NALF1: variants seen among roughly 807,000 people sequenced by gnomAD.
The protein encoded by NALF1 is family with sequence similarity 155 member A.
NALF1 carries 3 observed loss-of-function variants against 48.4 expected under a neutral mutation model. The ratio of observed to expected loss-of-function variants is 0.06; its 90% confidence interval spans 0.03 to 0.16. The LOEUF (loss-of-function observed/expected upper bound fraction) is 0.16. Ranked by LOEUF, NALF1 falls within the 10% of genes least tolerant of loss-of-function variation. NALF1 has a pLI of 1.00. For missense variants in NALF1, 526 were observed against 571.5 expected, an observed-to-expected ratio of 0.92 and a Z score of 0.81; for synonymous variants, 262 against 245.7, an observed-to-expected ratio of 1.07 and a Z score of -0.62.
chr13:107,229,056 C>T (rs539976767), intron 1 of NALF1, among the ~76,000 whole-genome samples: 4 of 152,202 alleles, frequency 2.6e-5, no homozygotes, highest in East Asian at 1.9e-4. Flanking sequence ...GAAGCTATGT[C>T]GTCTGAATGT....
intron 1 of NALF1, among the ~76,000 whole-genome samples, chr13:107,611,631 G>A (rs539517741): frequency 1.3e-5 from 2 of 152,114 alleles, no homozygotes; most frequent in Non-Finnish European, 2.9e-5. Context: ...TGTAATCTTA[G>A]CCACTTGGAG....
chr13:107,554,041 AGTC>A (rs1877378974), intron 1 of NALF1, among the ~76,000 whole-genome samples: 1 of 152,238 alleles, frequency 6.6e-6, no homozygotes, highest in Admixed American at 6.5e-5. Flanking sequence ...TGAGAGCCTT[AGTC>A]CCACATCTGC....
chr13:107,179,969 T>C (rs1181315247), intron 2 of NALF1, among the ~76,000 whole-genome samples: 1 of 145,700 alleles, frequency 6.9e-6, no homozygotes, highest in African/African-American at 2.6e-5. Flanking sequence ...TGGCCTCATT[T>C]TAACTTAATG....
rs77557873 is a variant in NALF1, at chr13:107,483,948, A to C, written c.916-273193T>G. Among the ~76,000 whole-genome samples, 1,059 of 152,188 alleles carry C rather than the reference A, an allele frequency of 7.0e-3. 39 individuals are homozygous for C. In the East Asian group the frequency reaches 0.11, roughly 16 times the overall value. The stretch of plus-strand genomic sequence containing the variant: ...TTTGTAAGATTCACATAAAAATTCT[A>C]AGGAATAGTTACTATTGGTATTATT... On this transcript the variant is annotated intron_variant, in intron 1 of 2. Coordinates refer to ENST00000375915, the MANE Select transcript of NALF1 (RefSeq NM_001080396.3).
intron 1 of NALF1, among the ~76,000 whole-genome samples, chr13:107,602,089 A>G (rs1395593709): frequency 6.6e-6 from 1 of 152,188 alleles, no homozygotes; most frequent in East Asian, 1.9e-4. Flanking sequence ...CAATACACCT[A>G]TGTTCTAACT....
intron 1 of NALF1, among the ~76,000 whole-genome samples, chr13:107,733,243 G>A (rs1001183073): frequency 6.6e-6 from 1 of 152,128 alleles, no homozygotes; most frequent in Non-Finnish European, 1.5e-5. Context: ...TAGCAACCTA[G>A]GCAGAAGTGA....
intron 1 of NALF1, among the ~76,000 whole-genome samples, chr13:107,747,710 G>C (rs1876821998): frequency 6.6e-6 from 1 of 152,058 alleles, no homozygotes; most frequent in African/African-American, 2.4e-5. Flanking sequence ...AGAAAATAAG[G>C]CTTCGATAAA....
chr13:107,498,691 T>A (rs1047071389), intron 1 of NALF1, among the ~76,000 whole-genome samples: 1 of 152,168 alleles, frequency 6.6e-6, no homozygotes, highest in Non-Finnish European at 1.5e-5. Flanking sequence ...AATGAAAGAA[T>A]ATACTTATGA....
At chr13:107,521,152 T>C (rs16970527) in intron 1 of NALF1, among the ~76,000 whole-genome samples, 4,703 of 152,268 alleles carry the variant, frequency 0.031, 180 homozygotes, top group East Asian at 0.1. Flanking sequence ...TAAACTGCGA[T>C]GTGATACTGG....
intron 2 of NALF1, among the ~76,000 whole-genome samples, chr13:107,176,881 T>A (rs919962681): frequency 6.6e-6 from 1 of 151,850 alleles, no homozygotes; most frequent in Admixed American, 6.5e-5. Context: ...TGATATAATT[T>A]TGTTTGTTTT....
Position 107,164,504 on chromosome 13 carries a change from T to G in NALF1, c.*5993A>C, listed in dbSNP as rs185275892. On this transcript the variant is annotated 3_prime_UTR_variant, in exon 3 of 3. Coordinates refer to ENST00000375915, the MANE Select transcript of NALF1 (RefSeq NM_001080396.3). Reference sequence around the variant, plus strand: ...GAGGCATCAAATATTTATATATATTTTTTGATCTATGAGTGCCTTAAACAA... The same window carrying G: ...GAGGCATCAAATATTTATATATATTGTTTGATCTATGAGTGCCTTAAACAA... 3.7e-3 allele frequency: 564 copies of G among 152,254 alleles called. 2 individuals are homozygous for G. The highest frequency in any genetic ancestry group is 0.013 in the African/African-American group (539 of 41,560). 9.4% of individuals were successfully genotyped at this position (152,254 alleles called of 1,614,324 possible). A position where few individuals can be genotyped will look rare whatever the true frequency, so the allele number is the denominator to read the frequency against.
chr13:107,770,557 A>T (rs1877550361), intron 1 of NALF1, among the ~76,000 whole-genome samples: 1 of 152,222 alleles, frequency 6.6e-6, no homozygotes, highest in South Asian at 2.1e-4. Context: ...TCTGAAACAG[A>T]CTTCAAGTAC....
Position 107,347,841 on chromosome 13 carries a change from G to T in NALF1, c.916-137086C>A, listed in dbSNP as rs182861274. On this transcript the variant is annotated intron_variant, in intron 1 of 2. Coordinates refer to ENST00000375915, the MANE Select transcript of NALF1 (RefSeq NM_001080396.3). ...GTGATGACGATAAGAGTTAATTATT[G>T]GTTGTGCATGAAATGTTCCAAGCTT... Among the ~76,000 whole-genome samples, 510 of 152,308 alleles carry T rather than the reference G, an allele frequency of 3.3e-3. 1 individual carries two copies. Among genetic ancestry groups the T allele is most frequent in the Middle Eastern group, 0.014 (4 of 294 alleles).
At chr13:107,640,471 A>T (rs1287406767) in intron 1 of NALF1, among the ~76,000 whole-genome samples, 2 of 152,170 alleles carry the variant, frequency 1.3e-5, no homozygotes, top group Non-Finnish European at 2.9e-5. Context: ...AATGGCATCC[A>T]AACTATTTTA....
At chr13:107,206,640 T>C (rs1879649649) in intron 2 of NALF1, among the ~76,000 whole-genome samples, 1 of 152,166 alleles carries the variant, frequency 6.6e-6, no homozygotes, top group Non-Finnish European at 1.5e-5. Context: ...ATAGGAATCC[T>C]AGGTATCAGT....
At chr13:107,284,043 TA>T (rs1881442105) in intron 1 of NALF1, among the ~76,000 whole-genome samples, 1 of 152,018 alleles carries the variant, frequency 6.6e-6, no homozygotes, top group African/African-American at 2.4e-5. Context: ...TCAAAAACAT[TA>T]AAAGACAAAT....
rs116665004 is a variant in NALF1, at chr13:107,179,088, T to C, written c.1088-8302A>G. Among the ~76,000 whole-genome samples, 978 of 152,218 alleles carry C rather than the reference T, an allele frequency of 6.4e-3. 10 individuals carry two copies. The highest frequency in any genetic ancestry group is 0.022 in the African/African-American group (920 of 41,540). On this transcript the variant is annotated intron_variant, in intron 2 of 2. Transcript: ENST00000375915. ...ACGTTTATTGTGGCACTATTCGCAA[T>C]AGCCAAGATTTGGAAGCAACCTAAG...
rs944122347 is a variant in NALF1, at chr13:107,210,862, G to A, written c.916-107C>T. The A allele has an allele frequency of 1.6e-5, 11 of 703,186 alleles. No homozygotes were observed. In the East Asian group the frequency reaches 2.1e-4, roughly 14 times the overall value. The allele number at this position is 703,186 out of a possible 1,614,324, so 43.6% of individuals were successfully genotyped here. A position where few individuals can be genotyped will look rare whatever the true frequency, so the allele number is the denominator to read the frequency against. On this transcript the variant is annotated intron_variant, in intron 1 of 2. Transcript: ENST00000375915. ...TGCTGTGGTTTCAAGTGGATCCTAA[G>A]AGAGCCCTCATTGTGAGAAAGCGTA...
intron 1 of NALF1, among the ~76,000 whole-genome samples, chr13:107,845,216 C>A (rs1880139498): frequency 6.6e-6 from 1 of 152,126 alleles, no homozygotes; most frequent in South Asian, 2.1e-4. Context: ...TGACCCAAGT[C>A]CAGATGAAAG....
Sources: gnomAD v4.1 joint callset for allele counts (sites outside exome capture counted in the v4.1 genomes callset) on GRCh38, gnomAD v4.1.1 for gene constraint, MANE v1.5 for transcripts, NCBI Gene and HGNC (gene_info 2026-07-23, HGNC 2026-07-21) for gene names.